The following TACC2 variants were observed in gnomAD, a reference collection of about 807,000 sequenced individuals.
TACC2 encodes transforming acidic coiled-coil-containing protein 2.
In TACC2, 137 loss-of-function variants were observed where a neutral mutation model predicts 227.3. The ratio of observed to expected loss-of-function variants is 0.60; its 90% CI spans 0.52 to 0.69. The LOEUF (loss-of-function observed/expected upper bound fraction) is 0.69, where lower values mean the gene tolerates loss of function less well. Ranked by LOEUF, TACC2 falls within the 30% of genes least tolerant of loss-of-function variation. The pLI is 0.00. For synonymous variants in TACC2, 1,523 were observed against 1,487.5 expected (o/e 1.02, Z -0.55); for missense variants, 3,470 against 3,694.4 (o/e 0.94, Z 1.57).
chr10:122,000,910 C>T (rs1050933395), intron 1 of TACC2, among the ~76,000 whole-genome samples: 1 of 152,356 alleles, frequency 6.6e-6, no homozygotes, highest in Non-Finnish European at 1.5e-5. Flanking sequence ...GCAACCTCCA[C>T]CTCCTGGGCT....
chr10:122,079,127 C>T (rs1255239576), intron 3 of TACC2: 2 of 152,200 alleles, frequency 1.3e-5, no homozygotes, highest in Admixed American at 6.5e-5. Flanking sequence ...GAATTACACA[C>T]CATTACTCTT....
intron 7 of TACC2, among the ~76,000 whole-genome samples, chr10:122,157,491 A>G (rs1174446280): frequency 1.3e-5 from 2 of 151,884 alleles, no homozygotes; most frequent in African/African-American, 2.4e-5. Flanking sequence ...TCAGAAAGTC[A>G]CAACAGAAGC....
chr10:122,035,962 G>A (rs1015333536), intron 2 of TACC2, among the ~76,000 whole-genome samples: 2 of 152,022 alleles, frequency 1.3e-5, no homozygotes, highest in African/African-American at 4.8e-5. Context: ...ATAGGCATGC[G>A]CTACTGCAGC....
rs541037388 is a variant in TACC2, at chr10:122,194,421, C to T, written c.5835-619C>T. On this transcript the variant is annotated intron_variant, in intron 7 of 22. Transcript: ENST00000369005. The surrounding 1 kb of genome is among the most constrained non-coding windows in gnomAD (Gnocchi z 4.4). The stretch of plus-strand genomic sequence containing the variant: ...CCGTGCTTTGTGTCTTGGTCTGATG[C>T]ACCCTCTGCCTGGCCGGCTTGCTGG... 6.6e-6 allele frequency among the ~76,000 whole-genome samples: 1 copy of T among 152,330 alleles called. No homozygotes were observed. Among genetic ancestry groups the T allele is most frequent in the South Asian group, 2.1e-4 (1 of 4,826 alleles).
chr10:122,076,885 C>T (rs865804548), intron 3 of TACC2, among the ~76,000 whole-genome samples: 1 of 151,938 alleles, frequency 6.6e-6, no homozygotes, highest in Non-Finnish European at 1.5e-5. Flanking sequence ...GAGGCTAAGG[C>T]GGACGGATCA....
chr10:122,197,704 A>G (rs1198251730), intron 8 of TACC2, among the ~76,000 whole-genome samples: 1 of 152,236 alleles, frequency 6.6e-6, no homozygotes. Flanking sequence ...CCTCCTTTGA[A>G]AACGGCAGCA....
At chr10:122,100,323 A>G (rs1035913826) in intron 5 of TACC2, among the ~76,000 whole-genome samples, 2 of 151,906 alleles carry the variant, frequency 1.3e-5, no homozygotes, top group Non-Finnish European at 2.9e-5. Flanking sequence ...GACTGAGTCT[A>G]AGAGGAAAGC....
chr10:122,224,593 G>C (rs888634489), intron 11 of TACC2, 133 bp from the exon 12 acceptor site: 1 of 735,488 alleles, frequency 1.4e-6, no homozygotes, highest in African/African-American at 1.7e-5. Flanking sequence ...TCTCTAGACA[G>C]TGGGCACCGT....
chr10:122,015,254 C>T (rs574021707), intron 1 of TACC2, among the ~76,000 whole-genome samples: 43 of 152,176 alleles, frequency 2.8e-4, no homozygotes, highest in African/African-American at 1.0e-3. Flanking sequence ...CTTGTAATCC[C>T]AGCACTTTAG....
At chr10:122,162,833 CGGA>C (rs1219668996) in intron 7 of TACC2, among the ~76,000 whole-genome samples, 1 of 152,148 alleles carries the variant, frequency 6.6e-6, no homozygotes, top group East Asian at 1.9e-4. Context: ...ATGCATGTCA[CGGA>C]GAACTGCCTT....
At chr10:122,241,827 A>G in intron 18 of TACC2, 131 bp from the exon 19 acceptor site, 1 of 814,726 alleles carries the variant, frequency 1.2e-6, no homozygotes, top group Non-Finnish European at 2.2e-6. Context: ...GTGCAGGGCG[A>G]GGGCTGACAT....
Position 122,048,776 on chromosome 10 carries a change from C to T in TACC2, c.34-1662C>T, listed in dbSNP as rs79460043. 3.5e-3 allele frequency among the ~76,000 whole-genome samples: 530 copies of T among 152,232 alleles called. 3 individuals are homozygous for T. Among genetic ancestry groups the T allele is most frequent in the African/African-American group, 0.012 (498 of 41,540 alleles). ...TGCCCATGGGCTAGGGAATGTCTGTCGTACAGATTTGCACCATCTGCTAGA... is the reference window on the plus strand; with the variant it reads ...TGCCCATGGGCTAGGGAATGTCTGTTGTACAGATTTGCACCATCTGCTAGA... On this transcript the variant is annotated intron_variant, in intron 2 of 22. Coordinates refer to ENST00000369005, the MANE Select transcript of TACC2 (RefSeq NM_206862.4).
intron 5 of TACC2, among the ~76,000 whole-genome samples, chr10:122,109,316 G>C (rs542555723): frequency 6.6e-4 from 100 of 152,076 alleles, no homozygotes; most frequent in Non-Finnish European, 1.1e-3. Context: ...TTAATTTTTT[G>C]AGAGTACATT....
intron 8 of TACC2, among the ~76,000 whole-genome samples, chr10:122,196,392 C>T (rs1204625008): frequency 6.6e-6 from 1 of 152,050 alleles, no homozygotes; most frequent in African/African-American, 2.4e-5. Context: ...TCCCATGTCC[C>T]CCGTCTTTGA....
intron 3 of TACC2, among the ~76,000 whole-genome samples, chr10:122,079,689 C>T (rs2079227843): frequency 6.6e-6 from 1 of 152,218 alleles, no homozygotes; most frequent in Non-Finnish European, 1.5e-5. Context: ...AGGCTCTTGC[C>T]TTCCTTGGAA....
chr10:122,136,626 C>T (rs1194999799), intron 6 of TACC2, among the ~76,000 whole-genome samples: 1 of 151,570 alleles, frequency 6.6e-6, no homozygotes, highest in African/African-American at 2.4e-5. Context: ...AGTCTGGGCT[C>T]ACTGCAAACT....
chr10:122,007,959 A>G lies in TACC2; in HGVS notation c.-45-13978A>G, dbSNP rs10047372. On this transcript the variant is annotated intron_variant, in intron 1 of 22. Transcript: ENST00000369005. ...GCGTACTCTAGCCTCTTGCCATGTGATGCCTCTGACCACCTCAGGACTCTG... is the reference window on the plus strand; with the variant it reads ...GCGTACTCTAGCCTCTTGCCATGTGGTGCCTCTGACCACCTCAGGACTCTG... Among the ~76,000 whole-genome samples the G allele has an allele frequency of 3.3e-5, 5 of 151,762 alleles. No individual in the cohort carries two copies. In the South Asian group the frequency reaches 8.3e-4, roughly 25 times the overall value.
At position 122,031,617 on chromosome 10, in the gene TACC2, T is replaced by A. The variant is rs181426220; in HGVS notation, c.33+9603T>A. 7.0e-4 allele frequency among the ~76,000 whole-genome samples: 106 copies of A among 151,782 alleles called. No homozygotes were observed. The South Asian group carries it at 0.015, about 22-fold the overall frequency. On this transcript the variant is annotated intron_variant, in intron 2 of 22. Coordinates refer to ENST00000369005, the MANE Select transcript of TACC2 (RefSeq NM_206862.4). ...ATGGGGTTTCACCGTGTTAGCCAGG[T>A]TGGTCTCGATCTCCTGACCTTGTGA...
chr10:122,225,597 A>T (rs377396116), intron 12 of TACC2, among the ~76,000 whole-genome samples: 2 of 152,216 alleles, frequency 1.3e-5, no homozygotes, highest in Non-Finnish European at 2.9e-5. Context: ...CTGAGGCCAT[A>T]TACATAATAC....
Sources: allele counts gnomAD v4.1 joint callset (sites outside exome capture counted in the v4.1 genomes callset), GRCh38; gene constraint gnomAD v4.1.1; non-coding constraint Gnocchi (gnomAD v3.1); transcripts MANE v1.5; gene names NCBI Gene and HGNC (gene_info 2026-07-23, HGNC 2026-07-21).